Variants in UNC13B observed in about 807,000 individuals in gnomAD.
The protein encoded by UNC13B is protein unc-13 homolog B.
A neutral mutation model predicts 211.0 loss-of-function variants in UNC13B; 144 were observed. The observed-to-expected ratio is 0.68, with a 90% CI of 0.60 to 0.78. UNC13B has a LOEUF of 0.78. Among genes scored for constraint, UNC13B ranks in the 30% least tolerant of loss-of-function variants. UNC13B has a pLI of 0.00. For synonymous variants in UNC13B, 709 were observed against 725.8 expected (o/e 0.98, Z 0.37); for missense variants, 1,777 against 2,002.0 (o/e 0.89, Z 2.14).
chr9:35,369,992 G>A (rs1308025254), intron 12 of UNC13B, among the ~76,000 whole-genome samples: 1 of 152,158 alleles, frequency 6.6e-6, no homozygotes, highest in African/African-American at 2.4e-5. Flanking sequence ...CCTCTTGAGT[G>A]CCAATTCCTA....
At chr9:35,266,847 A>G (rs1167811947) in intron 7 of UNC13B, among the ~76,000 whole-genome samples, 2 of 152,204 alleles carry the variant, frequency 1.3e-5, no homozygotes, top group Non-Finnish European at 2.9e-5. Context: ...CATTTCTAGC[A>G]TTTAGGCTGA....
chr9:35,317,956 A>G (rs1260087605), intron 11 of UNC13B, among the ~76,000 whole-genome samples: 1 of 152,206 alleles, frequency 6.6e-6, no homozygotes, highest in Non-Finnish European at 1.5e-5. Context: ...AAAGCAAAGT[A>G]ATTAGCCTTA....
intron 9 of UNC13B, among the ~76,000 whole-genome samples, chr9:35,309,804 C>T (rs184292022): frequency 3.0e-4 from 45 of 152,288 alleles, no homozygotes; most frequent in African/African-American, 1.1e-3. Context: ...CTTTGGGACG[C>T]TTCCTATGCT....
intron 11 of UNC13B, among the ~76,000 whole-genome samples, chr9:35,365,858 G>A (rs889126634): frequency 2.0e-5 from 3 of 152,188 alleles, no homozygotes; most frequent in African/African-American, 7.2e-5. Flanking sequence ...CAACCTAAGA[G>A]GAGTCTTAAA....
At chr9:35,185,931 AG>A (rs2131323963) in intron 1 of UNC13B, among the ~76,000 whole-genome samples, 1 of 151,778 alleles carries the variant, frequency 6.6e-6, no homozygotes, top group African/African-American at 2.4e-5. Context: ...AAAAGAAAAA[AG>A]AAAAAAAAAA....
rs1268328878 is a variant in UNC13B, at chr9:35,243,317, T to C, written c.421T>C (p.Trp141Arg). 1 of 1,613,518 alleles carries C rather than the reference T, an allele frequency of 6.2e-7. No individual in the cohort carries two copies. Among genetic ancestry groups the C allele is most frequent in the African/African-American group, 1.3e-5 (1 of 74,990 alleles). Residue 141 changes from tryptophan (W) to arginine (R), a missense_variant, in exon 6 of 40, where the codon TGG becomes CGG. Coordinates refer to ENST00000635942, the MANE Select transcript of UNC13B (RefSeq NM_001371189.2). ...FDIPEEEARY[W>R]TYKWEQINAL... ...TATCCCAGAGGAGGAAGCCAGATAT[T>C]GGACCTACAAATGGGAGCAAATCAA...
rs370109446 is a variant in UNC13B, at chr9:35,399,292, C to T, written c.12198+8C>T. ...CCACTCACTGACCAGACGGTAAGGA[C>T]ACCTCCTTCCACTTCCTCCTGCTGT... On this transcript the variant is annotated splice_region_variant and intron_variant, in intron 34 of 39. Transcript: ENST00000635942. 3.1e-6 allele frequency: 5 copies of T among 1,614,012 alleles called. No individual in the cohort carries two copies. In the African/African-American group the frequency reaches 6.7e-5, roughly 22 times the overall value.
At chr9:35,359,259 A>T (rs1291678648) in intron 11 of UNC13B, among the ~76,000 whole-genome samples, 5 of 152,050 alleles carry the variant, frequency 3.3e-5, no homozygotes, top group African/African-American at 1.2e-4. Context: ...GGCTTCCAGA[A>T]CACCTCTCTG....
chr9:35,283,131 ATCCTCTATTACACAGTATGTATTTT>A (rs1264322383), intron 7 of UNC13B, among the ~76,000 whole-genome samples: 5 of 152,134 alleles, frequency 3.3e-5, no homozygotes, highest in African/African-American at 1.2e-4. Context: ...TGAATCTCCC[ATCCTCTATTACACAGTATGTATTTT>A]TCCTCTATGG....
rs114572172 is a variant in UNC13B, at chr9:35,359,752, C to T, written c.9415-7195C>T. Among the ~76,000 whole-genome samples the T allele has an allele frequency of 1.2e-3, 182 of 152,306 alleles. 1 individual carries two copies. The highest frequency in any genetic ancestry group is 4.2e-3 in the African/African-American group (176 of 41,566). ...ATCTTGAATCTTGCCATTATCTCTA[C>T]CTCCACCACTGTCATCCTTGTTTAA... is the stretch of plus-strand genomic sequence containing the variant. On this transcript the variant is annotated intron_variant, in intron 11 of 39. Coordinates refer to ENST00000635942, the MANE Select transcript of UNC13B (RefSeq NM_001371189.2).
chr9:35,321,506 C>T (rs552206296), intron 11 of UNC13B, among the ~76,000 whole-genome samples: 1 of 152,288 alleles, frequency 6.6e-6, no homozygotes, highest in East Asian at 1.9e-4. Context: ...CATGAGCCCT[C>T]ATACCTGGCT....
At chr9:35,182,562 T>C (rs1587311378) in intron 1 of UNC13B, among the ~76,000 whole-genome samples, 1 of 152,062 alleles carries the variant, frequency 6.6e-6, no homozygotes, top group South Asian at 2.1e-4. Context: ...GGAGAGAAGG[T>C]CAGCAGATAA....
At chr9:35,291,101 C>T in intron 7 of UNC13B, 1 of 1,550,332 alleles carries the variant, frequency 6.5e-7, no homozygotes, top group South Asian at 1.2e-5. Flanking sequence ...GGGAGAACAA[C>T]AGAGTACGTA....
intron 6 of UNC13B, among the ~76,000 whole-genome samples, chr9:35,253,167 G>T (rs1826615687): frequency 6.6e-6 from 1 of 151,966 alleles, no homozygotes; most frequent in African/African-American, 2.4e-5. Context: ...TTGGAGACAG[G>T]GTCTTGCTCT....
At chr9:35,297,374 C>T (rs1337779296) in intron 8 of UNC13B, among the ~76,000 whole-genome samples, 1 of 151,906 alleles carries the variant, frequency 6.6e-6, no homozygotes. Flanking sequence ...CGTGAGCCAC[C>T]GTGCCTGGCC....
intron 11 of UNC13B, among the ~76,000 whole-genome samples, chr9:35,333,117 T>C (rs1228366412): frequency 6.6e-6 from 1 of 152,136 alleles, no homozygotes; most frequent in Non-Finnish European, 1.5e-5. Flanking sequence ...GTTATAATTA[T>C]AATGTATATT....
rs534674415 is a variant in UNC13B, at chr9:35,169,409, C to T, written c.22+7104C>T. 7.2e-5 allele frequency among the ~76,000 whole-genome samples: 11 copies of T among 152,290 alleles called. No homozygotes were observed. The South Asian group carries it at 2.3e-3, about 32-fold the overall frequency. The stretch of plus-strand genomic sequence containing the variant: ...TAGACACGTTGATTGTGCATTGATT[C>T]TACTCTAGGGAAAGTCCAAAAATAT... On this transcript the variant is annotated intron_variant, in intron 1 of 39. Coordinates refer to ENST00000635942, the MANE Select transcript of UNC13B (RefSeq NM_001371189.2).
At chr9:35,379,234 G>A (rs1251951239) in intron 17 of UNC13B, among the ~76,000 whole-genome samples, 1 of 152,100 alleles carries the variant, frequency 6.6e-6, no homozygotes, top group East Asian at 1.9e-4. Context: ...GATCACCTGA[G>A]GTCAGGAGTT....
At chr9:35,173,892 C>T (rs1441169146) in intron 1 of UNC13B, among the ~76,000 whole-genome samples, 6 of 152,148 alleles carry the variant, frequency 3.9e-5, no homozygotes, top group Admixed American at 3.3e-4. Flanking sequence ...CATATGTTAC[C>T]TCATCTCATT....
Sources: gnomAD v4.1 joint callset for allele counts (sites outside exome capture counted in the v4.1 genomes callset) on GRCh38, gnomAD v4.1.1 for gene constraint, MANE v1.5 for transcripts, NCBI Gene and HGNC (gene_info 2026-07-23, HGNC 2026-07-21) for gene names.